The following EMG1 variants were observed in gnomAD, a reference collection of about 807,000 sequenced individuals.
EMG1 encodes EMG1 N1-specific pseudouridine methyltransferase, also known as ribosomal RNA small subunit methyltransferase NEP1.
In EMG1, 24 loss-of-function variants were observed where a neutral mutation model predicts 26.9. The ratio of observed to expected loss-of-function variants is 0.89; its 90% CI spans 0.65 to 1.26. The LOEUF is 1.26. Ranked by LOEUF, EMG1 falls within the 50% of genes most tolerant of loss-of-function variation. The probability of loss-of-function intolerance (pLI) is 0.00; values close to 1 mark genes in which losing one functional copy is unlikely to be tolerated. For missense variants in EMG1, 299 were observed against 307.6 expected (o/e 0.97, Z 0.21); for synonymous variants, 140 against 112.6 (o/e 1.24, Z -1.54).
At chr12:6,991,456 C>G (rs782401769), downstream of EMG1, among the ~76,000 whole-genome samples, 56 of 152,282 alleles carry the variant, frequency 3.7e-4, no homozygotes, top group Non-Finnish European at 5.7e-4. Context: ...TTAGGCAGAT[C>G]TTCTAAATAC....
At chr12:6,988,710 C>A (rs1946554124), downstream of EMG1, among the ~76,000 whole-genome samples, 1 of 152,096 alleles carries the variant, frequency 6.6e-6, no homozygotes, top group South Asian at 2.1e-4. Context: ...TCTGACAGCC[C>A]CACTAACATC....
At position 6,987,564 on chromosome 12, in the gene EMG1, T is replaced by A. The variant is rs1447469190; in HGVS notation, c.*155-218T>A. ...ATAGACTAAATGTCAATGCCTTCAA[T>A]CTTTTGCTTTATTTTTACTTTTGTT... On this transcript the variant is annotated intron_variant and NMD_transcript_variant, in intron 6 of 7. Transcript: ENST00000261406. The surrounding 1 kb of genome is among the most constrained non-coding windows in gnomAD (Gnocchi z 4.1). Among the ~76,000 whole-genome samples, 3 of 152,196 alleles carry A rather than the reference T, an allele frequency of 2.0e-5. No homozygotes were observed. Among genetic ancestry groups the A allele is most frequent in the Non-Finnish European group, 4.4e-5 (3 of 68,036 alleles).
chr12:6,989,417 C>G (rs1946565751), downstream of EMG1, among the ~76,000 whole-genome samples: 1 of 150,560 alleles, frequency 6.6e-6, no homozygotes, highest in African/African-American at 2.5e-5. Flanking sequence ...TCACGCCATT[C>G]TCCTGCCTCA....
Position 6,976,129 on chromosome 12 carries a change from G to A in EMG1, c.*320G>A, listed in dbSNP as rs1946396825. The A allele has an allele frequency of 4.0e-6, 1 of 250,476 alleles. No individual in the cohort carries two copies. Among genetic ancestry groups the A allele is most frequent in the Admixed American group, 4.9e-5 (1 of 20,222 alleles). The allele number at this position is 250,476 out of a possible 1,614,324, so 15.5% of individuals were successfully genotyped here. Reference sequence around the variant, plus strand: ...TCCCAGATTCCCATGTGCTAAAGGAGAGAACCCTGATGATGGAGAAGAACT... The same window carrying A: ...TCCCAGATTCCCATGTGCTAAAGGAAAGAACCCTGATGATGGAGAAGAACT... On this transcript the variant is annotated 3_prime_UTR_variant, in exon 6 of 6. Coordinates refer to ENST00000599672, the MANE Select transcript of EMG1 (RefSeq NM_006331.8).
downstream of EMG1, chr12:6,982,700 G>A (rs768824782): frequency 3.1e-6 from 5 of 1,613,516 alleles, no homozygotes; most frequent in Non-Finnish European, 4.2e-6. Flanking sequence ...AGGTAGTGAG[G>A]ACGGCAGTGA....
chr12:6,994,029 G>A (rs1946612744), intron 7 of EMG1, among the ~76,000 whole-genome samples: 1 of 152,180 alleles, frequency 6.6e-6, no homozygotes, highest in Non-Finnish European at 1.5e-5. Context: ...TAGAGACAGG[G>A]TCTCACTATG....
Position 6,979,454 on chromosome 12 carries a change from C to T in EMG1, c.*3645C>T. Reference sequence around the variant, plus strand: ...CTCTGGTGCAGTCATGCTGCTGCTGCTTTAGTAGACACTCACGTCATAGTC... The same window carrying T: ...CTCTGGTGCAGTCATGCTGCTGCTGTTTTAGTAGACACTCACGTCATAGTC... On this transcript the variant is annotated 3_prime_UTR_variant, in exon 6 of 6. Coordinates refer to ENST00000599672, the MANE Select transcript of EMG1 (RefSeq NM_006331.8). 1 of 1,572,866 alleles carries T rather than the reference C, an allele frequency of 6.4e-7. No homozygotes were observed. The highest frequency in any genetic ancestry group is 8.8e-7 in the Non-Finnish European group (1 of 1,142,482).
downstream of EMG1, among the ~76,000 whole-genome samples, chr12:6,990,874 G>A (rs782288140): frequency 6.5e-5 from 9 of 138,892 alleles, no homozygotes; most frequent in Middle Eastern, 4.2e-3. Context: ...CTGAGATCAC[G>A]CCACTGTGCT....
chr12:6,978,939 T>C lies in EMG1; in HGVS notation c.*3130T>C, dbSNP rs1199758796. The C allele has an allele frequency of 6.3e-6, 3 of 478,946 alleles. No homozygotes were observed. The highest frequency in any genetic ancestry group is 1.1e-5 in the Non-Finnish European group (3 of 272,168). 29.7% of individuals were successfully genotyped at this position (478,946 alleles called of 1,614,324 possible). A position where few individuals can be genotyped will look rare whatever the true frequency, so the allele number is the denominator to read the frequency against. On this transcript the variant is annotated 3_prime_UTR_variant, in exon 6 of 6. Transcript: ENST00000599672. Reference sequence around the variant, plus strand: ...AGCACTGTATTTAACTTCTCTACTGTTTGCCTTCGTTGGCAAAGTGTTTGG... The same window carrying C: ...AGCACTGTATTTAACTTCTCTACTGCTTGCCTTCGTTGGCAAAGTGTTTGG...
At chr12:6,971,168 G>C (rs1436308338) in intron 1 of EMG1, 77 bp downstream of exon 1, 5 of 1,269,584 alleles carry the variant, frequency 3.9e-6, no homozygotes, top group African/African-American at 1.5e-5. Flanking sequence ...GGGGCCCAGA[G>C]TGGATGTAGA....
rs1176038216 is a variant in EMG1, at chr12:6,987,804, A to G, written c.*177A>G. The G allele has an allele frequency of 5.0e-6, 2 of 400,628 alleles. No individual in the cohort carries two copies. Among genetic ancestry groups the G allele is most frequent in the Non-Finnish European group, 8.8e-6 (2 of 226,242 alleles). The allele number at this position is 400,628 out of a possible 1,614,324, so 24.8% of individuals were successfully genotyped here. A position where few individuals can be genotyped will look rare whatever the true frequency, so the allele number is the denominator to read the frequency against. ...TAGGTGTCTGGATCGTATCTATTCC[A>G]GAGTAAAGTCATGATGGCTTTATGA... On this transcript the variant is annotated 3_prime_UTR_variant and NMD_transcript_variant, in exon 7 of 8. Transcript: ENST00000261406. This position sits in a 1 kb window ranked among gnomAD's most constrained non-coding sequence, Gnocchi z 4.1.
chr12:6,985,055 T>A (rs1946507522), intron 6 of EMG1, among the ~76,000 whole-genome samples: 1 of 148,574 alleles, frequency 6.7e-6, no homozygotes, highest in African/African-American at 2.5e-5. Context: ...TATATGTTGG[T>A]TTCTGTCCTT....
chr12:6,975,207 T>C, intron 4 of EMG1, 22 bp from the exon 5 acceptor site: 1 of 1,613,982 alleles, frequency 6.2e-7, no homozygotes, highest in Non-Finnish European at 8.5e-7. Context: ...TGGGGCTGAC[T>C]TTTCTCTCTT....
chr12:6,972,441 A>G (rs1555152415), intron 1 of EMG1, among the ~76,000 whole-genome samples: 1 of 152,220 alleles, frequency 6.6e-6, no homozygotes, highest in African/African-American at 2.4e-5. Flanking sequence ...TATCTCAAGA[A>G]TGTTGCTAGA....
downstream of EMG1, among the ~76,000 whole-genome samples, chr12:6,992,374 G>C (rs1946597901): frequency 6.6e-6 from 1 of 152,002 alleles, no homozygotes; most frequent in African/African-American, 2.4e-5. Flanking sequence ...ATTCTTAAGT[G>C]AAACTGGCTC....
chr12:6,986,775 G>A (rs1946530348), intron 6 of EMG1, among the ~76,000 whole-genome samples: 1 of 124,438 alleles, frequency 8.0e-6, no homozygotes, highest in Admixed American at 9.8e-5. Flanking sequence ...CCAGCCTGGT[G>A]ACAGAGTGAG....
chr12:6,990,596 G>A (rs1946579862), downstream of EMG1, among the ~76,000 whole-genome samples: 1 of 151,338 alleles, frequency 6.6e-6, no homozygotes, highest in Non-Finnish European at 1.5e-5. Context: ...TTGTTAATGT[G>A]GGAACTATAT....
At chr12:6,975,648 A>G (rs1946387405) in intron 5 of EMG1, 48 bp from the exon 6 acceptor site, 1 of 1,292,494 alleles carries the variant, frequency 7.7e-7, no homozygotes, top group East Asian at 2.3e-5. Flanking sequence ...AAGGGCTGAA[A>G]CAGCTACTGA....
intron 7 of EMG1, among the ~76,000 whole-genome samples, chr12:6,996,662 T>G (rs1946638172): frequency 6.6e-6 from 1 of 152,236 alleles, no homozygotes; most frequent in African/African-American, 2.4e-5. Context: ...TGGTTAGCAT[T>G]GCATTAGGCA....
Sources: allele counts gnomAD v4.1 joint callset (sites outside exome capture counted in the v4.1 genomes callset), GRCh38; gene constraint gnomAD v4.1.1; non-coding constraint Gnocchi (gnomAD v3.1); transcripts MANE v1.5; gene names NCBI Gene and HGNC (gene_info 2026-07-23, HGNC 2026-07-21).